Variants in ST6GALNAC3 observed in about 807,000 individuals in gnomAD.
ST6GALNAC3 encodes the protein ST6 N-acetylgalactosaminide alpha-2,6-sialyltransferase 3, also known as alpha-N-acetylgalactosaminide alpha-2,6-sialyltransferase 3.
In ST6GALNAC3, 25 loss-of-function variants were observed where a neutral mutation model predicts 32.7. The observed-to-expected ratio is 0.76, with a 90% CI of 0.56 to 1.07. The LOEUF (loss-of-function observed/expected upper bound fraction) is 1.07, where lower values mean the gene tolerates loss of function less well. ST6GALNAC3 is among the 50% of genes least tolerant of loss of function. The pLI, the probability that ST6GALNAC3 is intolerant of heterozygous loss-of-function variation, is 0.00. For missense variants in ST6GALNAC3, 355 were observed against 382.4 expected, an observed-to-expected ratio of 0.93 and a Z score of 0.60; for synonymous variants, 129 against 133.1, an observed-to-expected ratio of 0.97 and a Z score of 0.21.
chr1:76,150,601 A>G (rs1684949), intron 1 of ST6GALNAC3, among the ~76,000 whole-genome samples: 9,440 of 152,248 alleles, frequency 0.062, 1,027 homozygotes, highest in African/African-American at 0.22. Flanking sequence ...AATTTCCTGC[A>G]GAACAGTGTC....
chr1:76,251,815 C>G (rs527381846), intron 1 of ST6GALNAC3, among the ~76,000 whole-genome samples: 22 of 152,134 alleles, frequency 1.4e-4, no homozygotes, highest in Non-Finnish European at 2.6e-4. Flanking sequence ...ATACCTCCAT[C>G]TATAAACCGT....
At chr1:76,235,878 T>G (rs1460279635) in intron 1 of ST6GALNAC3, among the ~76,000 whole-genome samples, 1 of 151,480 alleles carries the variant, frequency 6.6e-6, no homozygotes, top group East Asian at 1.9e-4. Context: ...TTCTCCCCTG[T>G]GTATGCCTGT....
chr1:76,544,837 A>G (rs1231378362), intron 3 of ST6GALNAC3, among the ~76,000 whole-genome samples: 4 of 152,248 alleles, frequency 2.6e-5, no homozygotes, highest in Non-Finnish European at 5.9e-5. Flanking sequence ...GATGGAAGTT[A>G]TAATATTTTT....
intron 3 of ST6GALNAC3, among the ~76,000 whole-genome samples, chr1:76,525,791 G>GTATATATA (rs199721572): frequency 0.014 from 1,020 of 75,358 alleles, 38 homozygotes; most frequent in Non-Finnish European, 0.018. Context: ...GTGTGTGTGT[G>GTATATATA]TATATATATA....
At chr1:76,401,172 A>C (rs1653384780) in intron 2 of ST6GALNAC3, among the ~76,000 whole-genome samples, 1 of 152,110 alleles carries the variant, frequency 6.6e-6, no homozygotes, top group Admixed American at 6.5e-5. Context: ...ATAAATGTAT[A>C]CTAGTCCTTC....
intron 1 of ST6GALNAC3, among the ~76,000 whole-genome samples, chr1:76,294,569 G>T (rs998293671): frequency 7.2e-5 from 11 of 152,056 alleles, no homozygotes; most frequent in African/African-American, 2.4e-4. Flanking sequence ...AAAACTGTCT[G>T]CCTTTCCTGT....
chr1:76,551,475 A>AT (rs1307896269), intron 3 of ST6GALNAC3, among the ~76,000 whole-genome samples: 2 of 152,030 alleles, frequency 1.3e-5, no homozygotes, highest in East Asian at 1.9e-4. Context: ...TGTGAATAAG[A>AT]TTTTTTTCAT....
intron 1 of ST6GALNAC3, among the ~76,000 whole-genome samples, chr1:76,155,634 A>T (rs1373801441): frequency 1.4e-5 from 2 of 143,626 alleles, no homozygotes; most frequent in African/African-American, 2.5e-5. Flanking sequence ...CGCCTGGCTA[A>T]TTTTTTTTTT....
chr1:76,538,307 T>G (rs961504717), intron 3 of ST6GALNAC3, among the ~76,000 whole-genome samples: 4 of 152,112 alleles, frequency 2.6e-5, no homozygotes, highest in Non-Finnish European at 5.9e-5. Context: ...AGGTATTTGA[T>G]AAAATTCAAC....
chr1:76,289,261 G>C (rs1331606833), intron 1 of ST6GALNAC3, among the ~76,000 whole-genome samples: 1 of 152,228 alleles, frequency 6.6e-6, no homozygotes, highest in African/African-American at 2.4e-5. Context: ...GCATTTTTGG[G>C]CACATTTTCT....
chr1:76,216,525 G>T (rs975474000), intron 1 of ST6GALNAC3, among the ~76,000 whole-genome samples: 2 of 152,180 alleles, frequency 1.3e-5, no homozygotes, highest in Non-Finnish European at 2.9e-5. Context: ...CAAACATCCT[G>T]TAAAGAATGC....
chr1:76,279,210 T>A (rs1227547692), intron 1 of ST6GALNAC3, among the ~76,000 whole-genome samples: 1 of 152,252 alleles, frequency 6.6e-6, no homozygotes, highest in East Asian at 1.9e-4. Context: ...AGAGCAGCAG[T>A]CTGTGTGGAG....
chr1:76,151,413 C>A (rs375177088), intron 1 of ST6GALNAC3, among the ~76,000 whole-genome samples: 2 of 152,128 alleles, frequency 1.3e-5, no homozygotes, highest in Admixed American at 6.5e-5. Flanking sequence ...AGGTTTAGTC[C>A]CTCGTAGAAA....
chr1:76,136,028 T>G (rs1278295259), intron 1 of ST6GALNAC3, among the ~76,000 whole-genome samples: 1 of 152,202 alleles, frequency 6.6e-6, no homozygotes, highest in African/African-American at 2.4e-5. Context: ...CTTGCTCATG[T>G]GCAGTCTGGA....
At chr1:76,154,433 T>C (rs979658850) in intron 1 of ST6GALNAC3, among the ~76,000 whole-genome samples, 1 of 152,214 alleles carries the variant, frequency 6.6e-6, no homozygotes, top group African/African-American at 2.4e-5. Flanking sequence ...CAAGGTTTGT[T>C]ATGAATGTAA....
At chr1:76,314,965 G>T (rs1466913416) in intron 2 of ST6GALNAC3, among the ~76,000 whole-genome samples, 3 of 152,094 alleles carry the variant, frequency 2.0e-5, no homozygotes, top group East Asian at 3.9e-4. Context: ...TGCTAAGCTT[G>T]GTCTACCCCC....
chr1:76,341,509 C>T (rs1647965214), intron 2 of ST6GALNAC3, among the ~76,000 whole-genome samples: 2 of 152,036 alleles, frequency 1.3e-5, no homozygotes, highest in South Asian at 4.2e-4. Context: ...CTGTGATGAA[C>T]ATACTAGTGC....
chr1:76,432,886 T>C (rs963598740), intron 3 of ST6GALNAC3, among the ~76,000 whole-genome samples: 1 of 152,250 alleles, frequency 6.6e-6, no homozygotes, highest in African/African-American at 2.4e-5. Context: ...GAAAATTGTT[T>C]CAAAAGGAAT....
At chr1:76,592,654 C>A (rs767301550) in intron 3 of ST6GALNAC3, among the ~76,000 whole-genome samples, 1 of 152,124 alleles carries the variant, frequency 6.6e-6, no homozygotes, top group Non-Finnish European at 1.5e-5. Flanking sequence ...CTCAGACTTC[C>A]TGGTCACTCC....
Sources: gnomAD v4.1 joint callset for allele counts (sites outside exome capture counted in the v4.1 genomes callset) on GRCh38, gnomAD v4.1.1 for gene constraint, MANE v1.5 for transcripts, NCBI Gene and HGNC (gene_info 2026-07-23, HGNC 2026-07-21) for gene names.